The following EDA variants were observed in gnomAD, a reference collection of about 807,000 sequenced individuals.
EDA encodes ectodysplasin-A.
EDA carries 2 observed loss-of-function variants against 23.6 expected under a neutral mutation model. The observed-to-expected ratio is 0.08, with a 90% CI of 0.03 to 0.27. The LOEUF (loss-of-function observed/expected upper bound fraction) is 0.27, where lower values mean the gene tolerates loss of function less well. Among genes scored for constraint, EDA ranks in the 10% least tolerant of loss-of-function variants. The pLI, the probability that EDA is intolerant of heterozygous loss-of-function variation, is 1.00. For missense variants in EDA, 229 were observed against 324.2 expected, an observed-to-expected ratio of 0.71 and a Z score of 2.26; for synonymous variants, 131 against 132.0, an observed-to-expected ratio of 0.99 and a Z score of 0.05.
chrX:69,716,469 C>T (rs2012338869), intron 1 of EDA, among the ~76,000 whole-genome samples: 1 of 110,676 alleles, frequency 9.0e-6, no homozygotes, highest in South Asian at 3.8e-4. Flanking sequence ...TGGTTACTGT[C>T]ACCCTGTAAT....
chrX:69,832,479 C>A (rs1448915753), intron 1 of EDA, among the ~76,000 whole-genome samples: 1 of 111,719 alleles, frequency 9.0e-6, no homozygotes, highest in Non-Finnish European at 1.9e-5. Context: ...ATGATGCCTC[C>A]AGCTTTGTTC....
intron 1 of EDA, among the ~76,000 whole-genome samples, chrX:69,745,506 C>T (rs1303824556): frequency 9.0e-6 from 1 of 111,367 alleles, no homozygotes; most frequent in East Asian, 2.8e-4. Flanking sequence ...TGGCTATGAG[C>T]TTAAAAAATC....
At chrX:69,732,504 C>G (rs1318137550) in intron 1 of EDA, among the ~76,000 whole-genome samples, 3 of 112,085 alleles carry the variant, frequency 2.7e-5, no homozygotes, top group East Asian at 2.8e-4. Context: ...TATCATTGTT[C>G]AACATTTGTG....
At position 70,035,437 on chromosome X, in the gene EDA, G is replaced by A; in HGVS notation, c.1004G>A (p.Ser335Asn). 1.7e-6 allele frequency: 2 copies of A among 1,210,434 alleles called. No individual in the cohort carries two copies. The highest frequency in any genetic ancestry group is 2.2e-6 in the Non-Finnish European group (2 of 895,106). ...DEKPFLQCTR[S>N]IETGKTNYNT... ...AAGCCCTTCCTGCAGTGCACACGCA[G>A]CATCGAGACGGGCAAGACCAACTAC... Residue 335 changes from serine to asparagine, a missense_variant, in exon 8 of 8, where the codon AGC becomes AAC. Coordinates refer to ENST00000374552, the MANE Select transcript of EDA (RefSeq NM_001399.5).
chrX:69,825,092 T>C (rs368123014), intron 1 of EDA, among the ~76,000 whole-genome samples: 2 of 95,356 alleles, frequency 2.1e-5, no homozygotes, highest in African/African-American at 4.0e-5. Context: ...CTGCTGGATT[T>C]GGTTTGCCAG....
intron 1 of EDA, among the ~76,000 whole-genome samples, chrX:69,759,282 G>C (rs1329825097): frequency 8.9e-6 from 1 of 112,084 alleles, no homozygotes; most frequent in Non-Finnish European, 1.9e-5. Context: ...AAGGAAAATG[G>C]CTTTGTGTTT....
chrX:69,645,160 G>C (rs1046057478), intron 1 of EDA, among the ~76,000 whole-genome samples: 7 of 110,771 alleles, frequency 6.3e-5, no homozygotes, highest in Non-Finnish European at 1.3e-4. Flanking sequence ...GTTTGGAATA[G>C]TTTCAGTAGA....
chrX:69,623,156 T>G (rs1932247094), intron 1 of EDA, among the ~76,000 whole-genome samples: 1 of 112,485 alleles, frequency 8.9e-6, no homozygotes, highest in African/African-American at 3.2e-5. Context: ...ATCTTGGATA[T>G]TCTTGGCCCT....
At chrX:69,824,122 C>A (rs1273085201) in intron 1 of EDA, among the ~76,000 whole-genome samples, 6 of 106,386 alleles carry the variant, frequency 5.6e-5, no homozygotes, top group Non-Finnish European at 1.2e-4. Flanking sequence ...AGTTTGAAGT[C>A]AGGTAGTGTG....
At chrX:70,009,057 G>A (rs1419370918) in intron 2 of EDA, among the ~76,000 whole-genome samples, 3 of 111,752 alleles carry the variant, frequency 2.7e-5, no homozygotes. Flanking sequence ...GATCAAATTT[G>A]TGGGCATAGA....
intron 1 of EDA, among the ~76,000 whole-genome samples, chrX:69,628,158 C>G (rs959232492): frequency 8.9e-6 from 1 of 112,040 alleles, no homozygotes; most frequent in African/African-American, 3.2e-5. Context: ...GATTGTTATT[C>G]TTACTTCATC....
At chrX:69,914,300 A>C (rs867505786) in intron 1 of EDA, among the ~76,000 whole-genome samples, 2 of 111,626 alleles carry the variant, frequency 1.8e-5, no homozygotes, top group Non-Finnish European at 3.8e-5. Flanking sequence ...TTAGAAGTGG[A>C]GCCATCCTGT....
At chrX:69,831,634 C>G (rs1425365902) in intron 1 of EDA, among the ~76,000 whole-genome samples, 1 of 112,545 alleles carries the variant, frequency 8.9e-6, no homozygotes, top group African/African-American at 3.2e-5. Flanking sequence ...AATCGCCACA[C>G]TGTCTTCCAC....
At chrX:69,831,801 G>A (rs1415910737) in intron 1 of EDA, among the ~76,000 whole-genome samples, 3 of 112,654 alleles carry the variant, frequency 2.7e-5, no homozygotes, top group Non-Finnish European at 5.6e-5. Flanking sequence ...ATGATGATGA[G>A]CATTTTTTCA....
At chrX:69,818,475 C>T (rs998146371) in intron 1 of EDA, among the ~76,000 whole-genome samples, 2 of 111,241 alleles carry the variant, frequency 1.8e-5, no homozygotes, top group African/African-American at 6.5e-5. Flanking sequence ...GCTAGCTAGA[C>T]TAATAAAGAA....
At chrX:69,788,739 CTT>C (rs1361090445) in intron 1 of EDA, among the ~76,000 whole-genome samples, 1 of 113,182 alleles carries the variant, frequency 8.8e-6, no homozygotes, top group Non-Finnish European at 1.9e-5. Context: ...TTACTGCTGT[CTT>C]TTTGTTTGTC....
intron 1 of EDA, among the ~76,000 whole-genome samples, chrX:69,657,157 A>G (rs1054882603): frequency 1.8e-5 from 2 of 111,649 alleles, no homozygotes; most frequent in African/African-American, 6.5e-5. Context: ...TCTCACCAAC[A>G]TGTTTGTTTG....
intron 2 of EDA, among the ~76,000 whole-genome samples, chrX:69,988,093 G>C (rs1189135334): frequency 8.9e-6 from 1 of 112,336 alleles, no homozygotes; most frequent in African/African-American, 3.2e-5. Context: ...GACTGAACAA[G>C]GAACTGCATG....
intron 1 of EDA, among the ~76,000 whole-genome samples, chrX:69,953,621 C>T (rs2018959401): frequency 9.0e-6 from 1 of 111,653 alleles, no homozygotes; most frequent in Admixed American, 9.5e-5. Context: ...TAGCCCCAAA[C>T]TAGGAAAAAC....
Sources: gnomAD v4.1 joint callset for allele counts (sites outside exome capture counted in the v4.1 genomes callset) on GRCh38, gnomAD v4.1.1 for gene constraint, MANE v1.5 for transcripts, NCBI Gene and HGNC (gene_info 2026-07-23, HGNC 2026-07-21) for gene names.